Variants in PARVB observed in about 807,000 individuals in gnomAD.
The protein encoded by PARVB is beta-parvin.
PARVB carries 46 observed loss-of-function variants against 47.0 expected under a neutral mutation model. The observed-to-expected ratio is 0.98, with a 90% CI of 0.77 to 1.25. The LOEUF (loss-of-function observed/expected upper bound fraction) is 1.25, where lower values mean the gene tolerates loss of function less well. Ranked by LOEUF, PARVB falls within the 50% of genes most tolerant of loss-of-function variation. The pLI, the probability that PARVB is intolerant of heterozygous loss-of-function variation, is 0.00. For missense variants in PARVB, 473 were observed against 471.6 expected, an observed-to-expected ratio of 1.00 and a Z score of -0.03; for synonymous variants, 196 against 196.3, an observed-to-expected ratio of 1.00 and a Z score of 0.01.
At chr22:44,042,688 G>T (rs570506562) in intron 1 of PARVB, among the ~76,000 whole-genome samples, 1 of 152,160 alleles carries the variant, frequency 6.6e-6, no homozygotes, top group Non-Finnish European at 1.5e-5. Context: ...TTGGAGCAGC[G>T]CAGGGAGAAT....
At chr22:43,999,296 T>A (rs972699160) in exon 1 of PARVB, 1 of 1,436,430 alleles carries the variant, frequency 7.0e-7, no homozygotes, top group Non-Finnish European at 9.5e-7. Context: ...TCTCCCTTTT[T>A]AAAGACCAGA....
At chr22:44,111,303 C>T (rs1014531714) in intron 3 of PARVB, 3 of 152,058 alleles carry the variant, frequency 2.0e-5, no homozygotes, top group Non-Finnish European at 4.4e-5. Context: ...CAAGGTCACA[C>T]AGCTAAAACT....
At position 44,125,900 on chromosome 22, in the gene PARVB, CCA is replaced by C. The variant is rs1298974970; in HGVS notation, c.377-5586_377-5585del. Among the ~76,000 whole-genome samples, 1 of 152,112 alleles carries C rather than the reference CCA, an allele frequency of 6.6e-6. No individual in the cohort carries two copies. The highest frequency in any genetic ancestry group is 6.5e-5 in the Admixed American group (1 of 15,276). Reference sequence around the variant, plus strand: ...GGCATCTGATGAAGTAGCTCAGCCCCCAGAGTGGAAGGGCAGACATGGGGAGG... The same window carrying C: ...GGCATCTGATGAAGTAGCTCAGCCCCGAGTGGAAGGGCAGACATGGGGAGG... On this transcript the variant is annotated intron_variant, in intron 4 of 12. Transcript: ENST00000338758. The surrounding 1 kb of genome is among the most constrained non-coding windows in gnomAD (Gnocchi z 4.1).
chr22:44,059,266 G>A (rs755530829), intron 1 of PARVB, among the ~76,000 whole-genome samples: 1 of 151,804 alleles, frequency 6.6e-6, no homozygotes, highest in East Asian at 1.9e-4. Context: ...GGCTGGTCAC[G>A]AACTCCTGGC....
Position 44,093,834 on chromosome 22 carries a change from C to T in PARVB, c.113-94C>T, listed in dbSNP as rs146646619. The T allele has an allele frequency of 1.5e-5, 11 of 733,010 alleles. No individual in the cohort carries two copies. In the Admixed American group the frequency reaches 2.7e-4, roughly 18 times the overall value. 45.4% of individuals were successfully genotyped at this position (733,010 alleles called of 1,614,324 possible). A position where few individuals can be genotyped will look rare whatever the true frequency, so the allele number is the denominator to read the frequency against. On this transcript the variant is annotated intron_variant, in intron 1 of 12. Transcript: ENST00000338758. ...AATGTTTGTTAAATGCTGAAAAAAA[C>T]AGGAATTGATTTCTCTCTGCGTCCA...
intron 7 of PARVB, among the ~76,000 whole-genome samples, chr22:44,138,637 C>T (rs928361566): frequency 1.3e-5 from 2 of 152,208 alleles, no homozygotes; most frequent in Non-Finnish European, 2.9e-5. Flanking sequence ...ATTGCCACCT[C>T]CTATCCAGTC....
At chr22:44,116,392 T>C (rs567113461) in intron 3 of PARVB, among the ~76,000 whole-genome samples, 16 of 152,300 alleles carry the variant, frequency 1.1e-4, no homozygotes, top group African/African-American at 3.4e-4. Flanking sequence ...GGATCCAGCT[T>C]TATTTTCCTT....
At chr22:44,052,075 C>T (rs542253842) in intron 1 of PARVB, among the ~76,000 whole-genome samples, 22 of 152,144 alleles carry the variant, frequency 1.4e-4, no homozygotes, top group African/African-American at 3.6e-4. Flanking sequence ...GGGAGAGAAT[C>T]GACGTCTGTT....
chr22:44,147,867 A>T lies in PARVB; in HGVS notation c.719A>T (p.Asp240Val), dbSNP rs761077198. 1.1e-5 allele frequency: 18 copies of T among 1,613,878 alleles called. No individual in the cohort carries two copies. The highest frequency in any genetic ancestry group is 1.0e-5 in the Non-Finnish European group (12 of 1,179,920). Residue 240 changes from aspartate (D) to valine (V), a missense_variant, in exon 9 of 13, where the codon GAT (aspartate) becomes GTT (valine). By Grantham distance (152) the Asp-to-Val change is radical. Coordinates refer to ENST00000338758, the MANE Select transcript of PARVB (RefSeq NM_013327.5). ...TCTCTTTGCATGTCCTCAGAGCGGG[A>T]TGCCTTCGACACGCTGTTCGACCAC... ...TEMMMGRFER[D>V]AFDTLFDHAP... is the part of the protein sequence containing the mutation.
At chr22:44,042,369 C>A (rs978771837) in intron 1 of PARVB, among the ~76,000 whole-genome samples, 1 of 152,106 alleles carries the variant, frequency 6.6e-6, no homozygotes, top group East Asian at 1.9e-4. Context: ...TGCGGTGAGC[C>A]GAGATTGTGC....
intron 10 of PARVB, chr22:44,151,853 G>A (rs201915338): frequency 1.8e-4 from 58 of 326,118 alleles, no homozygotes; most frequent in East Asian, 1.6e-3. Context: ...CTCCAAGGCT[G>A]TGAGGGAGGA....
intron 1 of PARVB, among the ~76,000 whole-genome samples, chr22:44,058,803 C>T (rs1252273099): frequency 6.6e-6 from 1 of 152,112 alleles, no homozygotes; most frequent in Non-Finnish European, 1.5e-5. Flanking sequence ...AATCCACCTG[C>T]CTCAGCCTCC....
At chr22:44,086,202 C>T (rs1021842906) in intron 1 of PARVB, among the ~76,000 whole-genome samples, 5 of 152,282 alleles carry the variant, frequency 3.3e-5, no homozygotes, top group African/African-American at 1.2e-4. Flanking sequence ...TACCCTGGGC[C>T]GGCATCCTGC....
In PARVB at chr22:44,119,158, A is replaced by T; in HGVS notation, c.376+18A>T. On this transcript the variant is annotated intron_variant, in intron 4 of 12. Transcript: ENST00000338758. The stretch of plus-strand genomic sequence containing the variant: ...GCTCTTGGGTGAGTTCACAGCAGGG[A>T]CAGCTCTGTCCCACCCCCATCTCCC... 1 of 1,562,614 alleles carries T rather than the reference A, an allele frequency of 6.4e-7. No individual in the cohort carries two copies. The highest frequency in any genetic ancestry group is 1.1e-5 in the South Asian group (1 of 90,062).
intron 1 of PARVB, among the ~76,000 whole-genome samples, chr22:44,067,923 A>G (rs908733473): frequency 6.6e-6 from 1 of 151,942 alleles, no homozygotes. Context: ...GTGTTGGGGG[A>G]CAGGGGTGAC....
intron 2 of PARVB, among the ~76,000 whole-genome samples, chr22:44,002,814 C>T: frequency 6.6e-6 from 1 of 151,616 alleles, no homozygotes; most frequent in East Asian, 1.9e-4. Context: ...ATGCTTTGCC[C>T]GAAAGTGGGG....
At chr22:44,156,447 T>G (rs1373499449) in intron 10 of PARVB, among the ~76,000 whole-genome samples, 2 of 151,918 alleles carry the variant, frequency 1.3e-5, no homozygotes, top group East Asian at 3.9e-4. Flanking sequence ...ACCCGCTAAT[T>G]TTTGTATTTT....
At position 44,171,872 on chromosome 22, in the gene PARVB, C is replaced by G. The variant is rs1490768092; in HGVS notation, c.*3194C>G. ...TCACTGCGTTGCCCAGGCTGGAGTGCAGTGGTCATTCACAGACACACACAT... is the reference window on the plus strand; with the variant it reads ...TCACTGCGTTGCCCAGGCTGGAGTGGAGTGGTCATTCACAGACACACACAT... On this transcript the variant is annotated 3_prime_UTR_variant, in exon 13 of 13. Transcript: ENST00000338758. The G allele has an allele frequency of 6.9e-6, 1 of 144,252 alleles. No individual in the cohort carries two copies. Among genetic ancestry groups the G allele is most frequent in the Admixed American group, 7.0e-5 (1 of 14,228 alleles). 8.9% of individuals were successfully genotyped at this position (144,252 alleles called of 1,614,324 possible).
chr22:44,103,800 G>C lies in PARVB; in HGVS notation c.273+3677G>C, dbSNP rs1385232992. Reference sequence around the variant, plus strand: ...TGGAAGAAGGGGCCATGCACTAATGGATGCAGGCGGCCTCTGCCTCTAGAA... The same window carrying C: ...TGGAAGAAGGGGCCATGCACTAATGCATGCAGGCGGCCTCTGCCTCTAGAA... On this transcript the variant is annotated intron_variant, in intron 3 of 12. Transcript: ENST00000338758. The surrounding 1 kb of genome is among the most constrained non-coding windows in gnomAD (Gnocchi z 4.6). The C allele has an allele frequency of 6.6e-6, 1 of 152,234 alleles. No individual in the cohort carries two copies. Among genetic ancestry groups the C allele is most frequent in the Non-Finnish European group, 1.5e-5 (1 of 68,044 alleles). 9.4% of individuals were successfully genotyped at this position (152,234 alleles called of 1,614,324 possible).
Sources: allele counts gnomAD v4.1 joint callset (sites outside exome capture counted in the v4.1 genomes callset), GRCh38; gene constraint gnomAD v4.1.1; non-coding constraint Gnocchi (gnomAD v3.1); transcripts MANE v1.5; gene names NCBI Gene and HGNC (gene_info 2026-07-23, HGNC 2026-07-21).